Variants in GALNT17 observed in about 807,000 individuals in gnomAD.
The protein encoded by GALNT17 is UDP-GalNAc:polypeptide N-acetylgalactosaminyltransferase-like 3.
A neutral mutation model predicts 63.7 loss-of-function variants in GALNT17; 29 were observed. The ratio of observed to expected loss-of-function variants is 0.46; its 90% CI spans 0.34 to 0.62. GALNT17 has a LOEUF of 0.62. GALNT17 is among the 20% of genes least tolerant of loss of function. The pLI, the probability that GALNT17 is intolerant of heterozygous loss-of-function variation, is 0.01. For synonymous variants in GALNT17, 305 were observed against 318.3 expected, an observed-to-expected ratio of 0.96 and a Z score of 0.45; for missense variants, 603 against 799.6, an observed-to-expected ratio of 0.75 and a Z score of 2.97.
intron 6 of GALNT17, among the ~76,000 whole-genome samples, chr7:71,599,102 A>G (rs1546787): frequency 1 from 151,602 of 152,082 alleles, 75,563 homozygotes; most frequent in East Asian, 1. Context: ...AGGTTGGAAA[A>G]GCAGGAAGAA....
chr7:71,531,152 A>C (rs1299827817), intron 5 of GALNT17, among the ~76,000 whole-genome samples: 1 of 152,190 alleles, frequency 6.6e-6, no homozygotes, highest in Non-Finnish European at 1.5e-5. Context: ...TATGCAAATT[A>C]ATGGGTTTGA....
At position 71,502,197 on chromosome 7, in the gene GALNT17, C is replaced by A. The variant is rs560810326; in HGVS notation, c.963-69088C>A. On this transcript the variant is annotated intron_variant, in intron 5 of 10. Transcript: ENST00000333538. ...GCCCCTTATGACCAATCTTCACAAC[C>A]TGTGCTGTGTCTATTCCTCACCACC... Among the ~76,000 whole-genome samples the A allele has an allele frequency of 2.6e-5, 4 of 152,336 alleles. No individual in the cohort carries two copies. In the South Asian group the frequency reaches 8.3e-4, roughly 32 times the overall value.
At chr7:71,152,288 C>G (rs1446961800) in intron 1 of GALNT17, among the ~76,000 whole-genome samples, 2 of 152,008 alleles carry the variant, frequency 1.3e-5, no homozygotes, top group African/African-American at 4.8e-5. Context: ...CGTTTACTTG[C>G]AGAAAGCAGT....
rs1383282390 is a variant in GALNT17 at position 71,667,623 on chromosome 7, A to G, written c.1266+2027A>G. ...ATAAATGCTAGCTTGATATGAATGT[A>G]TTATGATGTTCATTTTACAGATGAA... On this transcript the variant is annotated intron_variant, in intron 7 of 10. Coordinates refer to ENST00000333538, the MANE Select transcript of GALNT17 (RefSeq NM_022479.3). Among the ~76,000 whole-genome samples, 3 of 152,170 alleles carry G rather than the reference A, an allele frequency of 2.0e-5. No individual in the cohort carries two copies. The East Asian group carries it at 5.8e-4, about 29-fold the overall frequency.
At chr7:71,665,720 C>A in intron 7 of GALNT17, 124 bp downstream of exon 7, 1 of 1,106,996 alleles carries the variant, frequency 9.0e-7, no homozygotes, top group Non-Finnish European at 1.3e-6. Flanking sequence ...ATTATGAATG[C>A]ATTTCAAAGG....
At chr7:71,270,306 G>A (rs1394272868) in intron 1 of GALNT17, among the ~76,000 whole-genome samples, 1 of 151,860 alleles carries the variant, frequency 6.6e-6, no homozygotes, top group Admixed American at 6.6e-5. Context: ...TGCAGATCAC[G>A]AGGTCAGGAG....
intron 6 of GALNT17, among the ~76,000 whole-genome samples, chr7:71,625,362 T>G (rs1390957443): frequency 2.0e-5 from 3 of 152,130 alleles, no homozygotes; most frequent in Non-Finnish European, 4.4e-5. Context: ...GCCAGGCTGG[T>G]CTCAAACTCC....
intron 6 of GALNT17, among the ~76,000 whole-genome samples, chr7:71,610,337 C>T (rs78207892): frequency 0.018 from 2,801 of 152,042 alleles, 31 homozygotes; most frequent in Middle Eastern, 0.065. Flanking sequence ...TAAAAAATAA[C>T]TGGGCATGGT....
chr7:71,411,686 G>C (rs1382352492), intron 3 of GALNT17, among the ~76,000 whole-genome samples: 1 of 152,102 alleles, frequency 6.6e-6, no homozygotes, highest in Non-Finnish European at 1.5e-5. Flanking sequence ...TCCTTGTATT[G>C]ACCCTGCCCC....
At chr7:71,560,640 G>A (rs1180782670) in intron 5 of GALNT17, among the ~76,000 whole-genome samples, 1 of 152,206 alleles carries the variant, frequency 6.6e-6, no homozygotes, top group Non-Finnish European at 1.5e-5. Context: ...TGATGGTAAC[G>A]GAGCTGTAGC....
At chr7:71,665,732 A>C in intron 7 of GALNT17, 136 bp downstream of exon 7, 1 of 1,001,762 alleles carries the variant, frequency 1.0e-6, no homozygotes, top group Non-Finnish European at 1.4e-6. Flanking sequence ...TTTCAAAGGG[A>C]TTCACAGATG....
chr7:71,242,205 C>T (rs1790007988), intron 1 of GALNT17, among the ~76,000 whole-genome samples: 1 of 150,838 alleles, frequency 6.6e-6, no homozygotes, highest in Non-Finnish European at 1.5e-5. Context: ...ACCCAAACAC[C>T]TTCCACTTGG....
intron 5 of GALNT17, among the ~76,000 whole-genome samples, chr7:71,497,506 C>T (rs1788115377): frequency 6.6e-6 from 1 of 152,136 alleles, no homozygotes; most frequent in African/African-American, 2.4e-5. Flanking sequence ...GAATTACGGC[C>T]CACTCTAATA....
intron 1 of GALNT17, among the ~76,000 whole-genome samples, chr7:71,293,514 A>G (rs536493909): frequency 6.6e-6 from 1 of 152,250 alleles, no homozygotes; most frequent in South Asian, 2.1e-4. Flanking sequence ...GAAAAATGTC[A>G]ATTCAGACCT....
At chr7:71,256,774 G>T (rs1006301012) in intron 1 of GALNT17, among the ~76,000 whole-genome samples, 3 of 152,314 alleles carry the variant, frequency 2.0e-5, no homozygotes, top group Non-Finnish European at 4.4e-5. Context: ...ATATGGGGCC[G>T]CTCTTTTTGC....
chr7:71,668,906 C>T (rs10266760), intron 7 of GALNT17, among the ~76,000 whole-genome samples: 3,603 of 152,222 alleles, frequency 0.024, 152 homozygotes, highest in African/African-American at 0.082. Context: ...ATGTAATGAA[C>T]TTCGCAAAGA....
At chr7:71,474,975 C>T (rs555801749) in intron 5 of GALNT17, among the ~76,000 whole-genome samples, 30 of 152,012 alleles carry the variant, frequency 2.0e-4, no homozygotes, top group African/African-American at 4.3e-4. Flanking sequence ...GGGATGCAGC[C>T]GCAAGCCAAG....
rs1298254646 is a variant in GALNT17 at position 71,710,835 on chromosome 7, C to T, written c.1575C>T (p.Arg525=). The T allele has an allele frequency of 1.2e-6, 2 of 1,613,856 alleles. No homozygotes were observed. The highest frequency in any genetic ancestry group is 8.5e-7 in the Non-Finnish European group (1 of 1,179,972). The change falls in exon 10 of 11, where the codon CGC becomes CGT. Residue 525 remains arginine (R), a synonymous_variant. Transcript: ENST00000333538. Reference sequence around the variant, plus strand: ...CCACCACACTCCTCCCTGACACCCGCTGCCTGGTGGACAACTCCAAGAGTC... The same window carrying T: ...CCACCACACTCCTCCCTGACACCCGTTGCCTGGTGGACAACTCCAAGAGTC... The part of the protein sequence containing the change: ...LGTTTLLPDT[R]CLVDNSKSRL...
At position 71,152,077 on chromosome 7, in the gene GALNT17, G is replaced by A. The variant is rs554277947; in HGVS notation, c.238+19037G>A. Among the ~76,000 whole-genome samples the A allele has an allele frequency of 5.3e-5, 8 of 152,082 alleles. No homozygotes were observed. In the East Asian group the frequency reaches 5.8e-4, roughly 11 times the overall value. Reference sequence around the variant, plus strand: ...AAAAACTTTGCTAATTTGCCGTGTCGTTCTAAAATCCACTTTAATTTTTTT... The same window carrying A: ...AAAAACTTTGCTAATTTGCCGTGTCATTCTAAAATCCACTTTAATTTTTTT... On this transcript the variant is annotated intron_variant, in intron 1 of 10. Coordinates refer to ENST00000333538, the MANE Select transcript of GALNT17 (RefSeq NM_022479.3).
Sources: allele counts gnomAD v4.1 joint callset (sites outside exome capture counted in the v4.1 genomes callset), GRCh38; gene constraint gnomAD v4.1.1; transcripts MANE v1.5; gene names NCBI Gene and HGNC (gene_info 2026-07-23, HGNC 2026-07-21).